The following NHSL1 variants were observed in gnomAD, a reference collection of about 807,000 sequenced individuals.
NHSL1 encodes NHS like 1.
Under a neutral mutation model 95.0 loss-of-function variants are expected in NHSL1, and 48 were observed. The ratio of observed to expected loss-of-function variants is 0.51; its 90% CI spans 0.40 to 0.64. The LOEUF (loss-of-function observed/expected upper bound fraction) is 0.64, where lower values mean the gene tolerates loss of function less well. NHSL1 is among the 30% of genes least tolerant of loss of function. The pLI, the probability that NHSL1 is intolerant of heterozygous loss-of-function variation, is 0.00. For missense variants in NHSL1, 1,971 were observed against 2,077.7 expected (o/e 0.95, Z 1.00); for synonymous variants, 783 against 833.9 (o/e 0.94, Z 1.05).
intron 2 of NHSL1, among the ~76,000 whole-genome samples, chr6:138,494,694 G>C (rs1780248539): frequency 6.6e-6 from 1 of 152,050 alleles, no homozygotes; most frequent in South Asian, 2.1e-4. Context: ...TCCACAATTA[G>C]ATAAAATACA....
At chr6:138,492,522 C>T (rs987458316) in intron 2 of NHSL1, among the ~76,000 whole-genome samples, 10 of 152,204 alleles carry the variant, frequency 6.6e-5, no homozygotes, top group Non-Finnish European at 7.3e-5. Flanking sequence ...TAATTTATGT[C>T]TATTATCTGC....
At chr6:138,606,706 T>C (rs1192663653) in intron 1 of NHSL1, among the ~76,000 whole-genome samples, 30 of 147,334 alleles carry the variant, frequency 2.0e-4, no homozygotes, top group Non-Finnish European at 4.2e-4. Flanking sequence ...TTCTTTCTTT[T>C]TTTTTTTTTT....
intron 1 of NHSL1, among the ~76,000 whole-genome samples, chr6:138,687,729 T>TA (rs969246449): frequency 2.6e-5 from 4 of 152,074 alleles, no homozygotes; most frequent in African/African-American, 9.7e-5. Flanking sequence ...CTGTGCTAAG[T>TA]AAAAAAAGCC....
intron 3 of NHSL1, among the ~76,000 whole-genome samples, chr6:138,455,653 A>T (rs1189654794): frequency 6.6e-6 from 1 of 152,220 alleles, no homozygotes; most frequent in East Asian, 1.9e-4. Flanking sequence ...AATAATAGTA[A>T]TAGCTATTAA....
chr6:138,508,030 A>C (rs1318178934), intron 1 of NHSL1, among the ~76,000 whole-genome samples: 1 of 152,240 alleles, frequency 6.6e-6, no homozygotes, highest in African/African-American at 2.4e-5. Context: ...ATCCTAGTTA[A>C]TAATTTAATC....
chr6:138,424,485 T>C lies in NHSL1; in HGVS notation c.4417A>G (p.Arg1473Gly). Residue 1473 changes from arginine to glycine, a missense_variant, in exon 8 of 8, where the codon AGA becomes GGA. Transcript: ENST00000343505. This position sits in a 1 kb window ranked among gnomAD's most constrained non-coding sequence, Gnocchi z 5.9. ...TTGGCCCACTCCTCCTGCGCCCTTC[T>C]GTTCTTGCTTGGGGAGCAGCTTGAC... ...SPSSCSPSKN[R>G]RAQEEWAKNE... The C allele has an allele frequency of 6.4e-7, 1 of 1,551,620 alleles. No individual in the cohort carries two copies. The highest frequency in any genetic ancestry group is 8.7e-7 in the Non-Finnish European group (1 of 1,146,974).
chr6:138,551,520 C>T (rs1016608780), intron 1 of NHSL1, among the ~76,000 whole-genome samples: 2 of 152,172 alleles, frequency 1.3e-5, no homozygotes, highest in Admixed American at 6.5e-5. Context: ...ATGACCATGA[C>T]TAACACATTT....
intron 1 of NHSL1, among the ~76,000 whole-genome samples, chr6:138,579,283 G>A (rs1324284468): frequency 6.6e-6 from 1 of 151,958 alleles, no homozygotes; most frequent in Non-Finnish European, 1.5e-5. Flanking sequence ...TGGTTGACAG[G>A]GTGAAAAAAA....
intron 2 of NHSL1, among the ~76,000 whole-genome samples, chr6:138,476,840 A>G (rs1378699409): frequency 6.6e-6 from 1 of 151,990 alleles, no homozygotes; most frequent in Non-Finnish European, 1.5e-5. Context: ...AAAAAAGAAA[A>G]AAAATTATCT....
chr6:138,449,300 T>C (rs1467616455), intron 3 of NHSL1, among the ~76,000 whole-genome samples: 2 of 152,184 alleles, frequency 1.3e-5, no homozygotes, highest in Non-Finnish European at 2.9e-5. Context: ...AATGGGGCTA[T>C]ACAGCCTACC....
intron 1 of NHSL1, among the ~76,000 whole-genome samples, chr6:138,655,261 C>T (rs1400393112): frequency 6.6e-6 from 1 of 152,174 alleles, no homozygotes; most frequent in South Asian, 2.1e-4. Flanking sequence ...AACAATAACA[C>T]TACCTCTGTT....
intron 1 of NHSL1, among the ~76,000 whole-genome samples, chr6:138,560,300 G>A (rs1783363016): frequency 6.6e-6 from 1 of 152,144 alleles, no homozygotes; most frequent in Non-Finnish European, 1.5e-5. Context: ...CTGATCCAAA[G>A]CAATGTCGAA....
chr6:138,555,608 C>T (rs1047931385), intron 1 of NHSL1, among the ~76,000 whole-genome samples: 7 of 152,104 alleles, frequency 4.6e-5, no homozygotes, highest in East Asian at 3.8e-4. Flanking sequence ...TGTTCTTGTG[C>T]GGAATAAAAG....
intron 1 of NHSL1, among the ~76,000 whole-genome samples, chr6:138,531,428 G>A (rs1306273662): frequency 6.6e-6 from 1 of 151,976 alleles, no homozygotes; most frequent in Non-Finnish European, 1.5e-5. Context: ...TGTAACTTTT[G>A]TAACTTCAAA....
At chr6:138,515,260 C>T (rs1044688924) in intron 1 of NHSL1, among the ~76,000 whole-genome samples, 2 of 152,208 alleles carry the variant, frequency 1.3e-5, no homozygotes, top group African/African-American at 4.8e-5. Flanking sequence ...CAGGAGACCG[C>T]TGTAAAATAT....
At chr6:138,624,514 TA>T (rs900877393) in intron 1 of NHSL1, among the ~76,000 whole-genome samples, 1 of 151,516 alleles carries the variant, frequency 6.6e-6, no homozygotes, top group African/African-American at 2.4e-5. Context: ...ATACACACTA[TA>T]AAAAAAAGGA....
At chr6:138,568,300 G>A (rs1783695908) in intron 1 of NHSL1, among the ~76,000 whole-genome samples, 1 of 152,078 alleles carries the variant, frequency 6.6e-6, no homozygotes, top group African/African-American at 2.4e-5. Context: ...CTCCATTTAA[G>A]CATGAACTCC....
intron 3 of NHSL1, among the ~76,000 whole-genome samples, chr6:138,449,634 G>A (rs1175657825): frequency 1.3e-5 from 2 of 151,340 alleles, no homozygotes; most frequent in African/African-American, 4.9e-5. Flanking sequence ...CTGAGGTTGC[G>A]CCACTGCACT....
rs1774988297 is a variant in NHSL1 at position 138,422,595 on chromosome 6, TA to T, written c.*1485del. ...TAATGAAGAAGACAATACTCTAGTT[TA>T]TTTAACAAATAAAGGAGTCTAAGTA... On this transcript the variant is annotated 3_prime_UTR_variant, in exon 8 of 8. Coordinates refer to ENST00000343505, the MANE Select transcript of NHSL1 (RefSeq NM_001144060.2). The T allele has an allele frequency of 6.6e-6, 1 of 152,226 alleles. No homozygotes were observed. Among genetic ancestry groups the T allele is most frequent in the Admixed American group, 6.5e-5 (1 of 15,278 alleles). The allele number at this position is 152,226 out of a possible 1,614,324, so 9.4% of individuals were successfully genotyped here.
Sources: allele counts gnomAD v4.1 joint callset (sites outside exome capture counted in the v4.1 genomes callset), GRCh38; gene constraint gnomAD v4.1.1; non-coding constraint Gnocchi (gnomAD v3.1); transcripts MANE v1.5; gene names NCBI Gene and HGNC (gene_info 2026-07-23, HGNC 2026-07-21).